The following DMD variants were observed in gnomAD, a reference collection of about 807,000 sequenced individuals.
DMD encodes dystrophin.
In DMD, 63 loss-of-function variants were observed where a neutral mutation model predicts 330.1. The observed-to-expected ratio is 0.19, with a 90% CI of 0.16 to 0.24. The LOEUF is 0.24. Ranked by LOEUF, DMD falls within the 10% of genes least tolerant of loss-of-function variation. The pLI, the probability that DMD is intolerant of heterozygous loss-of-function variation, is 1.00. For synonymous variants in DMD, 1,223 were observed against 959.8 expected (o/e 1.27, Z -5.07); for missense variants, 3,344 against 2,684.1 (o/e 1.25, Z -5.43).
rs547716527 is a variant in DMD, at chrX:32,854,099, C to A, written c.94-4279G>T. On this transcript the variant is annotated intron_variant, in intron 2 of 78. Transcript: ENST00000357033. The stretch of plus-strand genomic sequence containing the variant: ...GCAACATTATTAGACCTAAAGAGAG[C>A]TGGAAACCTCAATACCCCACTTTCA... Among the ~76,000 whole-genome samples the A allele has an allele frequency of 2.1e-4, 23 of 111,590 alleles. No individual in the cohort carries two copies. In the South Asian group the frequency reaches 8.2e-3, roughly 40 times the overall value.
chrX:32,945,468 A>G (rs907986092), intron 2 of DMD, among the ~76,000 whole-genome samples: 12 of 111,259 alleles, frequency 1.1e-4, no homozygotes, highest in Non-Finnish European at 2.3e-4. Flanking sequence ...GAATAATTTG[A>G]CTTTTTTCCC....
intron 7 of DMD, among the ~76,000 whole-genome samples, chrX:32,727,397 G>T (rs1217381523): frequency 9.0e-6 from 1 of 110,911 alleles, no homozygotes; most frequent in Non-Finnish European, 1.9e-5. Flanking sequence ...TTATAACAGA[G>T]CAGAACTCTA....
intron 7 of DMD, among the ~76,000 whole-genome samples, chrX:32,711,086 C>T (rs1192796335): frequency 1.8e-5 from 2 of 111,627 alleles, no homozygotes; most frequent in Non-Finnish European, 3.8e-5. Flanking sequence ...AAAGGCTTTG[C>T]GTAGAATCTT....
chrX:31,632,392 T>C (rs1444189661), intron 54 of DMD, among the ~76,000 whole-genome samples: 1 of 111,865 alleles, frequency 8.9e-6, no homozygotes, highest in East Asian at 2.8e-4. Context: ...TGAGTATTTT[T>C]AGAAAAAGGC....
chrX:31,433,791 A>C (rs888891992), intron 60 of DMD, among the ~76,000 whole-genome samples: 2 of 111,731 alleles, frequency 1.8e-5, no homozygotes, highest in Non-Finnish European at 3.8e-5. Flanking sequence ...AAAACTATTT[A>C]AGTGTTGGTT....
intron 43 of DMD, among the ~76,000 whole-genome samples, chrX:32,239,546 T>C (rs2097200453): frequency 9.0e-6 from 1 of 111,588 alleles, no homozygotes; most frequent in African/African-American, 3.3e-5. Flanking sequence ...TCGAAGTCCA[T>C]AGTTTACATT....
At position 32,665,520 on chromosome X, in the gene DMD, A is replaced by G. The variant is rs190589007; in HGVS notation, c.961-20368T>C. On this transcript the variant is annotated intron_variant, in intron 9 of 78. Transcript: ENST00000357033. Reference sequence around the variant, plus strand: ...GTCTTATGTATTCAATTAATACTAAAATGAGCACATATTGTGGATTCATGT... The same window carrying G: ...GTCTTATGTATTCAATTAATACTAAGATGAGCACATATTGTGGATTCATGT... Among the ~76,000 whole-genome samples the G allele has an allele frequency of 1.3e-4, 15 of 112,354 alleles. No homozygotes were observed. In the East Asian group the frequency reaches 4.2e-3, roughly 31 times the overall value.
chrX:32,778,586 G>A (rs1334133668), intron 7 of DMD, among the ~76,000 whole-genome samples: 1 of 112,195 alleles, frequency 8.9e-6, no homozygotes, highest in Non-Finnish European at 1.9e-5. Context: ...TCAAGCAACA[G>A]CAGGGCTTTG....
At chrX:31,176,903 G>A (rs1485376306) in intron 71 of DMD, among the ~76,000 whole-genome samples, 2 of 110,876 alleles carry the variant, frequency 1.8e-5, no homozygotes, top group Non-Finnish European at 3.8e-5. Flanking sequence ...TTAATAATAT[G>A]CATTTATCAC....
intron 61 of DMD, among the ~76,000 whole-genome samples, chrX:31,330,689 CG>C (rs2057073717): frequency 8.9e-6 from 1 of 111,792 alleles, no homozygotes; most frequent in Non-Finnish European, 1.9e-5. Context: ...GTATTTCTAT[CG>C]TTTTCATTTC....
intron 57 of DMD, among the ~76,000 whole-genome samples, chrX:31,492,802 A>G (rs2069431322): frequency 1.9e-5 from 2 of 106,826 alleles, no homozygotes; most frequent in Admixed American, 1.0e-4. Flanking sequence ...GCATGGTCTC[A>G]CTCATAAGTG....
intron 67 of DMD, among the ~76,000 whole-genome samples, chrX:31,199,948 T>C (rs756928826): frequency 3.6e-5 from 4 of 111,896 alleles, no homozygotes; most frequent in Non-Finnish European, 7.5e-5. Flanking sequence ...ACATTGTATT[T>C]TTATGCACGT....
rs148931931 is a variant in DMD, at chrX:31,132,912, G to A, written c.11014+1190C>T. On this transcript the variant is annotated intron_variant, in intron 77 of 78. Coordinates refer to ENST00000357033, the MANE Select transcript of DMD (RefSeq NM_004006.3). ...TGGAAGACAGATAAGATTTTTATCT[G>A]TTAAAATCATCACTTCAGTGGCGCT... 2.0e-4 allele frequency among the ~76,000 whole-genome samples: 22 copies of A among 111,363 alleles called. No individual in the cohort carries two copies. In the East Asian group the frequency reaches 5.6e-3, roughly 29 times the overall value.
At position 33,220,184 on chromosome X, in the gene DMD, G is replaced by A. The variant is rs192263180; in HGVS notation, c.7+119075C>T. ...TCCTAAAAGTTAGTGCACAAGAGGC[G>A]TTGGTGATACAAATGAAGAGACAAG... On this transcript the variant is annotated intron_variant, in intron 1 of 17. Coordinates refer to the DMD transcript ENST00000288447. Among the ~76,000 whole-genome samples, 18 of 111,469 alleles carry A rather than the reference G, an allele frequency of 1.6e-4. No individual in the cohort carries two copies. In the East Asian group the frequency reaches 4.5e-3, roughly 28 times the overall value.
chrX:31,309,100 A>C (rs1395905011), intron 62 of DMD, among the ~76,000 whole-genome samples: 1 of 111,694 alleles, frequency 9.0e-6, no homozygotes, highest in African/African-American at 3.3e-5. Context: ...TAATCATCAA[A>C]ATCAAAACAA....
chrX:32,698,033 G>T, intron 8 of DMD, 35 bp from the exon 9 acceptor site: 1 of 1,168,050 alleles, frequency 8.6e-7, no homozygotes, highest in South Asian at 1.9e-5. Flanking sequence ...GGATAGAGAG[G>T]AGGGGGAAAA....
intron 62 of DMD, among the ~76,000 whole-genome samples, chrX:31,275,662 C>A (rs761384891): frequency 8.4e-4 from 93 of 110,944 alleles, no homozygotes; most frequent in Non-Finnish European, 1.6e-3. Context: ...GGGTAGGGAT[C>A]AGAATGGAAA....
intron 44 of DMD, among the ~76,000 whole-genome samples, chrX:32,027,223 G>A (rs2095853252): frequency 9.4e-6 from 1 of 105,953 alleles, no homozygotes; most frequent in East Asian, 3.0e-4. Flanking sequence ...GGAAGGCTGG[G>A]GAGAGAGAGA....
At chrX:33,033,037 G>C (rs1255445560) in intron 1 of DMD, among the ~76,000 whole-genome samples, 1 of 111,490 alleles carries the variant, frequency 9.0e-6, no homozygotes, top group Non-Finnish European at 1.9e-5. Flanking sequence ...TTATTACTGA[G>C]AATACAAAAG....
Sources: allele counts gnomAD v4.1 joint callset (sites outside exome capture counted in the v4.1 genomes callset), GRCh38; gene constraint gnomAD v4.1.1; transcripts MANE v1.5; gene names NCBI Gene and HGNC (gene_info 2026-07-23, HGNC 2026-07-21).